The following RELB variants were observed in gnomAD, a reference collection of about 807,000 sequenced individuals.
The protein encoded by RELB is RELB proto-oncogene, NF-kB subunit.
Under a neutral mutation model 55.4 loss-of-function variants are expected in RELB, and 14 were observed. The observed-to-expected ratio is 0.25, with a 90% CI of 0.17 to 0.40. The LOEUF (loss-of-function observed/expected upper bound fraction) is 0.40. Ranked by LOEUF, RELB falls within the 10% of genes least tolerant of loss-of-function variation. The probability of loss-of-function intolerance (pLI) is 1.00; values close to 1 mark genes in which losing one functional copy is unlikely to be tolerated. For synonymous variants in RELB, 409 were observed against 371.3 expected, an observed-to-expected ratio of 1.10 and a Z score of -1.17; for missense variants, 669 against 830.7, an observed-to-expected ratio of 0.81 and a Z score of 2.39.
At chr19:45,006,787 C>T (rs1182863175) in intron 2 of RELB, among the ~76,000 whole-genome samples, 3 of 151,332 alleles carry the variant, frequency 2.0e-5, no homozygotes, top group Non-Finnish European at 4.4e-5. Flanking sequence ...GTGGCAAAAC[C>T]TCATCTCTAC....
At chr19:45,021,741 A>C (rs1945111066) in intron 4 of RELB, 1 of 221,718 alleles carries the variant, frequency 4.5e-6, no homozygotes, top group East Asian at 1.0e-4. Context: ...TGCCGGGCTA[A>C]TTTTTGTATT....
intron 1 of RELB, among the ~76,000 whole-genome samples, chr19:45,002,611 T>G (rs1406314311): frequency 2.0e-5 from 3 of 152,112 alleles, no homozygotes; most frequent in Non-Finnish European, 4.4e-5. Context: ...CCTCGGCCTC[T>G]CAAAGTGCTG....
intron 3 of RELB, among the ~76,000 whole-genome samples, chr19:45,011,557 A>G (rs575178115): frequency 6.6e-6 from 1 of 151,908 alleles, no homozygotes; most frequent in Non-Finnish European, 1.5e-5. Context: ...CCTGGGTTCA[A>G]GCTGTTCTCC....
intron 8 of RELB, among the ~76,000 whole-genome samples, chr19:45,030,921 G>A (rs1971613575): frequency 6.6e-6 from 1 of 152,174 alleles, no homozygotes; most frequent in Non-Finnish European, 1.5e-5. Flanking sequence ...TCTAACACTT[G>A]CCAGCTGTGT....
At chr19:45,025,562 G>T (rs752450652) in intron 6 of RELB, 44 bp from the exon 7 acceptor site, 25 of 1,612,160 alleles carry the variant, frequency 1.6e-5, no homozygotes, top group Middle Eastern at 3.3e-4. Flanking sequence ...CCCAGAGAGG[G>T]TCTCCACTTC....
chr19:45,025,096 T>C (rs1971541221), intron 5 of RELB, among the ~76,000 whole-genome samples: 1 of 152,034 alleles, frequency 6.6e-6, no homozygotes, highest in Non-Finnish European at 1.5e-5. Flanking sequence ...TGACCTCAAG[T>C]GATCCTCCTG....
In RELB at chr19:45,003,368, G is replaced by T. The variant is rs187005562; in HGVS notation, c.154+372G>T. On this transcript the variant is annotated intron_variant, in intron 2 of 11. Transcript: ENST00000221452. The stretch of plus-strand genomic sequence containing the variant: ...CGGGCTCCTGTAGTCCCAGCTACTC[G>T]GGAGGCTGAGGCAGGAGAATGGCGT... Among the ~76,000 whole-genome samples, 707 of 151,134 alleles carry T rather than the reference G, an allele frequency of 4.7e-3. 5 individuals carry two copies. The highest frequency in any genetic ancestry group is 0.016 in the African/African-American group (656 of 41,180).
chr19:45,037,951 C>A lies in RELB; in HGVS notation c.*161C>A. ...AGAAGCTCCGTTGCACGGGTTTCCCCTTGAGCCCATTTTACAGATGAGGAA... is the reference window on the plus strand; with the variant it reads ...AGAAGCTCCGTTGCACGGGTTTCCCATTGAGCCCATTTTACAGATGAGGAA... On this transcript the variant is annotated 3_prime_UTR_variant, in exon 12 of 12. Coordinates refer to ENST00000221452, the MANE Select transcript of RELB (RefSeq NM_006509.4). The A allele has an allele frequency of 1.5e-6, 1 of 648,162 alleles. No homozygotes were observed. The highest frequency in any genetic ancestry group is 3.7e-5 in the South Asian group (1 of 27,348). 40.2% of individuals were successfully genotyped at this position (648,162 alleles called of 1,614,324 possible).
Position 45,037,397 on chromosome 19 carries a change from C to T in RELB, c.1355-8C>T, listed in dbSNP as rs1971701650. 6.5e-7 allele frequency: 1 copy of T among 1,543,058 alleles called. No homozygotes were observed. Reference sequence around the variant, plus strand: ...CACACTACACTTCTCTTGTCTTCATCCCCGTAGGCCCGTTCCTCCCGCCGT... The same window carrying T: ...CACACTACACTTCTCTTGTCTTCATTCCCGTAGGCCCGTTCCTCCCGCCGT... On this transcript the variant is annotated splice_region_variant and splice_polypyrimidine_tract_variant and intron_variant, in intron 11 of 11. Coordinates refer to ENST00000221452, the MANE Select transcript of RELB (RefSeq NM_006509.4).
Position 45,025,702 on chromosome 19 carries a change from T to C in RELB, c.851T>C (p.Met284Thr). Residue 284 changes from methionine (M) to threonine (T), a missense_variant, in exon 7 of 12, where the codon ATG becomes ACG. By Grantham distance (81) the Met-to-Thr change is moderately conservative. Around this residue, in one of 3 missense-constraint regions of RELB, gnomAD observed 341 missense variants for 436.8 expected, o/e 0.78. Transcript: ENST00000221452. ...GACCAGCAGGGACAGATGCGCCGGA[T>C]GGATCCTGTGCTTTCCGAGCCCGTC... ...YRDQQGQMRR[M>T]DPVLSEPVYD... 6.2e-7 allele frequency: 1 copy of C among 1,614,014 alleles called. No individual in the cohort carries two copies. The highest frequency in any genetic ancestry group is 8.5e-7 in the Non-Finnish European group (1 of 1,179,896).
intron 2 of RELB, among the ~76,000 whole-genome samples, chr19:45,005,117 G>A (rs959177510): frequency 2.0e-5 from 3 of 152,178 alleles, no homozygotes; most frequent in African/African-American, 7.2e-5. Context: ...GTTGCAGTGA[G>A]CGGGGATCGT....
At chr19:45,021,561 T>A (rs1971488373) in intron 4 of RELB, among the ~76,000 whole-genome samples, 1 of 144,702 alleles carries the variant, frequency 6.9e-6, no homozygotes. Flanking sequence ...TGGTTTAGGA[T>A]ATCAAAGTGG....
rs777161803 is a variant in RELB, at chr19:45,032,744, A to C, written c.1202A>C (p.Asp401Ala). Residue 401 changes from aspartate (D) to alanine (A), a missense_variant, in exon 9 of 12, where the codon GAC becomes GCC. Physicochemically the swap from Asp to Ala is moderately radical, Grantham distance 126. This residue lies in a region of RELB where 341 missense variants were observed against 436.8 expected (regional missense o/e 0.78). Transcript: ENST00000221452. ...TTGCCTTTCACGTACCTGCCTCGCG[A>C]CCATGGTAACTACAGCAACCCAGGG... ...EPLPFTYLPR[D>A]HDSYGVDKKR... 1.2e-6 allele frequency: 2 copies of C among 1,602,996 alleles called. No individual in the cohort carries two copies. The highest frequency in any genetic ancestry group is 1.7e-6 in the Non-Finnish European group (2 of 1,174,824).
At chr19:45,001,743 T>C in intron 1 of RELB, 58 bp downstream of exon 1, 1 of 1,189,044 alleles carries the variant, frequency 8.4e-7, no homozygotes, top group South Asian at 1.4e-5. Flanking sequence ...ATGCGGGGAT[T>C]CTGGCGGTCC....
At chr19:45,032,453 G>A (rs1971635538) in intron 8 of RELB, 81 bp from the exon 9 acceptor site, 4 of 1,189,034 alleles carry the variant, frequency 3.4e-6, no homozygotes, top group Non-Finnish European at 4.9e-6. Flanking sequence ...TATTAGTCTT[G>A]ATTTTAGGGG....
At chr19:45,006,151 T>A (rs1262370269) in intron 2 of RELB, among the ~76,000 whole-genome samples, 1 of 152,192 alleles carries the variant, frequency 6.6e-6, no homozygotes, top group Admixed American at 6.5e-5. Context: ...GGGTCAATGA[T>A]ATTTAATAAC....
intron 4 of RELB, 91 bp from the exon 5 acceptor site, chr19:45,021,962 G>T: frequency 1.5e-6 from 2 of 1,301,204 alleles, no homozygotes; most frequent in African/African-American, 1.5e-5. Context: ...GTGGGGAGAG[G>T]ATTGGGGAGC....
intron 11 of RELB, among the ~76,000 whole-genome samples, chr19:45,035,582 C>G (rs781155362): frequency 3.3e-5 from 5 of 152,048 alleles, no homozygotes; most frequent in Non-Finnish European, 7.3e-5. Context: ...AATCCCAGCA[C>G]TTTGGGAGGC....
chr19:45,004,151 C>CAA (rs1414477885), intron 2 of RELB, among the ~76,000 whole-genome samples: 1 of 150,818 alleles, frequency 6.6e-6, no homozygotes. Context: ...CTCCTGACCT[C>CAA]AGGTAATCCG....
Sources: allele counts gnomAD v4.1 joint callset (sites outside exome capture counted in the v4.1 genomes callset), GRCh38; gene constraint gnomAD v4.1.1; regional missense constraint gnomAD v4.1.1; transcripts MANE v1.5; gene names NCBI Gene and HGNC (gene_info 2026-07-23, HGNC 2026-07-21).